FLNB: variants seen among roughly 807,000 people sequenced by gnomAD.
The protein encoded by FLNB is filamin-B.
A neutral mutation model predicts 250.6 loss-of-function variants in FLNB; 111 were observed. The ratio of observed to expected loss-of-function variants is 0.44; its 90% CI spans 0.38 to 0.52. The LOEUF is 0.52. Ranked by LOEUF, FLNB falls within the 20% of genes least tolerant of loss-of-function variation. The pLI is 0.00. For missense variants in FLNB, 2,869 were observed against 3,447.8 expected (o/e 0.83, Z 4.20); for synonymous variants, 1,302 against 1,372.1 (o/e 0.95, Z 1.13).
chr3:58,085,467 G>C (rs1258170573), intron 4 of FLNB, among the ~76,000 whole-genome samples: 2 of 152,222 alleles, frequency 1.3e-5, no homozygotes, highest in African/African-American at 4.8e-5. Flanking sequence ...GTTTCTAAAA[G>C]ATTTGAAAGT....
chr3:58,096,095 C>T, intron 5 of FLNB, 46 bp from the exon 6 acceptor site: 1 of 1,467,972 alleles, frequency 6.8e-7, no homozygotes, highest in Non-Finnish European at 9.5e-7. Flanking sequence ...ATGCTCCTTA[C>T]TCACACCCGG....
In FLNB at chr3:58,108,489, C is replaced by A. The variant is rs2097263361; in HGVS notation, c.1973C>A (p.Ser658Tyr). Reference sequence around the variant, plus strand: ...GCATACGGGCCAGGTTTGGAGAAATCTGGATGCATTGTCAACAACCTGGCC... The same window carrying A: ...GCATACGGGCCAGGTTTGGAGAAATATGGATGCATTGTCAACAACCTGGCC... ...VRAYGPGLEK[S>Y]GCIVNNLAEF... Residue 658 changes from serine to tyrosine, a missense_variant, in exon 13 of 46, where the codon TCT becomes TAT. Ser to Tyr is a moderately radical substitution (Grantham distance 144). Transcript: ENST00000295956. The A allele has an allele frequency of 3.1e-6, 5 of 1,614,036 alleles. No homozygotes were observed. Among genetic ancestry groups the A allele is most frequent in the Middle Eastern group, 1.6e-4 (1 of 6,062 alleles).
chr3:58,035,696 T>C (rs1461417328), intron 1 of FLNB, among the ~76,000 whole-genome samples: 3 of 152,304 alleles, frequency 2.0e-5, no homozygotes, highest in East Asian at 3.9e-4. Flanking sequence ...CCTCAGTCAT[T>C]GTGAGTGTGA....
chr3:58,068,171 CA>C (rs2097188730), intron 1 of FLNB, among the ~76,000 whole-genome samples: 1 of 152,334 alleles, frequency 6.6e-6, no homozygotes, highest in East Asian at 1.9e-4. Flanking sequence ...CACTGACTTC[CA>C]GGGGAGGCTG....
chr3:58,093,868 C>T (rs2097232940), intron 4 of FLNB, among the ~76,000 whole-genome samples: 1 of 152,154 alleles, frequency 6.6e-6, no homozygotes, highest in Non-Finnish European at 1.5e-5. Flanking sequence ...AAGGCCACTC[C>T]TAAAAGGTTA....
intron 29 of FLNB, 78 bp downstream of exon 29, chr3:58,138,607 G>A (rs952958880): frequency 6.4e-7 from 1 of 1,572,608 alleles, no homozygotes; most frequent in African/African-American, 1.3e-5. Context: ...ACCCTGACTA[G>A]GATATCCTCT....
chr3:58,156,110 C>T, intron 41 of FLNB, 35 bp downstream of exon 41: 1 of 1,499,224 alleles, frequency 6.7e-7, no homozygotes, highest in Non-Finnish European at 9.3e-7. Context: ...TCCTTGGCCG[C>T]AGGCCACCAG....
At chr3:58,105,695 G>A (rs1192540635) in intron 11 of FLNB, among the ~76,000 whole-genome samples, 1 of 152,178 alleles carries the variant, frequency 6.6e-6, no homozygotes, top group Admixed American at 6.5e-5. Flanking sequence ...TGGGCCTTAT[G>A]GTCTCTGTCA....
At chr3:58,153,761 G>T in intron 39 of FLNB, 120 bp downstream of exon 39, 1 of 1,166,714 alleles carries the variant, frequency 8.6e-7, no homozygotes. Flanking sequence ...TGGCATTAAG[G>T]GCATTATTTA....
chr3:58,160,317 C>T (rs1337400902), intron 42 of FLNB, among the ~76,000 whole-genome samples: 1 of 152,168 alleles, frequency 6.6e-6, no homozygotes, highest in Non-Finnish European at 1.5e-5. Context: ...ATTTTTCTTG[C>T]TTGGTGCCTT....
chr3:58,102,175 T>C, intron 8 of FLNB, 28 bp from the exon 9 acceptor site: 1 of 1,613,980 alleles, frequency 6.2e-7, no homozygotes, highest in Non-Finnish European at 8.5e-7. Flanking sequence ...AATGAAAGAT[T>C]GAATTGATGT....
At chr3:58,063,261 T>C (rs1156960370) in intron 1 of FLNB, among the ~76,000 whole-genome samples, 4 of 152,210 alleles carry the variant, frequency 2.6e-5, no homozygotes, top group African/African-American at 9.6e-5. Flanking sequence ...CTGCCCTTTC[T>C]TTGAGTGGGT....
intron 1 of FLNB, among the ~76,000 whole-genome samples, chr3:58,012,412 G>A (rs2097100367): frequency 6.6e-6 from 1 of 152,250 alleles, no homozygotes; most frequent in East Asian, 1.9e-4. Context: ...AGTAAATGGT[G>A]TCTGAAACCC....
At chr3:58,096,813 C>G (rs1304432918) in intron 6 of FLNB, among the ~76,000 whole-genome samples, 1 of 152,172 alleles carries the variant, frequency 6.6e-6, no homozygotes, top group African/African-American at 2.4e-5. Context: ...CCTGCTGGCT[C>G]TTTGTCCTTA....
rs143943560 is a variant in FLNB at position 58,150,198 on chromosome 3, G to A, written c.6338G>A (p.Ser2113Asn). 2 of 1,614,234 alleles carry A rather than the reference G, an allele frequency of 1.2e-6. No individual in the cohort carries two copies. Among genetic ancestry groups the A allele is most frequent in the Non-Finnish European group, 1.7e-6 (2 of 1,180,036 alleles). ...SRAPSVATVGSICDLNLKIPE... is the reference protein window; with the variant it reads ...SRAPSVATVGNICDLNLKIPE... ...GCCCCGTCCGTGGCCACTGTCGGGAGCATTTGTGACCTGAACCTGAAAATC... is the reference window on the plus strand; with the variant it reads ...GCCCCGTCCGTGGCCACTGTCGGGAACATTTGTGACCTGAACCTGAAAATC... Residue 2113 changes from serine (S) to asparagine (N), a missense_variant, in exon 38 of 46, where the codon AGC becomes AAC. Coordinates refer to ENST00000295956, the MANE Select transcript of FLNB (RefSeq NM_001457.4).
At chr3:58,131,097 A>G (rs865890952) in intron 25 of FLNB, among the ~76,000 whole-genome samples, 189 bp downstream of exon 25, 1 of 152,248 alleles carries the variant, frequency 6.6e-6, no homozygotes, top group Non-Finnish European at 1.5e-5. Context: ...TTATTTCTCC[A>G]GTGATCTGTC....
chr3:58,147,738 G>A (rs1029408374), intron 34 of FLNB, among the ~76,000 whole-genome samples: 2 of 152,160 alleles, frequency 1.3e-5, no homozygotes, highest in African/African-American at 4.8e-5. Flanking sequence ...TCGGCTCACT[G>A]TGACCTCTAC....
chr3:58,022,822 CT>C (rs745616817), intron 1 of FLNB, among the ~76,000 whole-genome samples: 263 of 144,306 alleles, frequency 1.8e-3, no homozygotes, highest in Admixed American at 1.8e-3. Context: ...AAATTTGCTT[CT>C]TTTTTTTTTT....
chr3:58,066,932 G>A lies in FLNB; in HGVS notation c.293-10114G>A, dbSNP rs527715015. On this transcript the variant is annotated intron_variant, in intron 1 of 45. Coordinates refer to ENST00000295956, the MANE Select transcript of FLNB (RefSeq NM_001457.4). ...GTTCCAACTATTTGAGGCAAAAATT[G>A]TCCAGCAAGTGAGAGAGAACAGAAG... 5.3e-5 allele frequency among the ~76,000 whole-genome samples: 8 copies of A among 152,322 alleles called. 1 individual carries two copies. In the South Asian group the frequency reaches 8.3e-4, roughly 16 times the overall value.
Sources: gnomAD v4.1 joint callset for allele counts (sites outside exome capture counted in the v4.1 genomes callset) on GRCh38, gnomAD v4.1.1 for gene constraint, MANE v1.5 for transcripts, NCBI Gene and HGNC (gene_info 2026-07-23, HGNC 2026-07-21) for gene names.